The following MTA3 variants were observed in gnomAD, a reference collection of about 807,000 sequenced individuals.
MTA3 encodes metastasis-associated protein MTA3.
MTA3 carries 34 observed loss-of-function variants against 83.5 expected under a neutral mutation model. The observed-to-expected ratio is 0.41, with a 90% CI of 0.31 to 0.54. The LOEUF (loss-of-function observed/expected upper bound fraction) is 0.54. MTA3 is among the 20% of genes least tolerant of loss of function. The probability of loss-of-function intolerance (pLI) is 0.33; values close to 1 mark genes in which losing one functional copy is unlikely to be tolerated. For missense variants in MTA3, 761 were observed against 726.4 expected (o/e 1.05, Z -0.55); for synonymous variants, 303 against 252.7 (o/e 1.20, Z -1.89).
chr2:42,607,304 G>T (rs1456677791), intron 3 of MTA3, among the ~76,000 whole-genome samples: 1 of 152,184 alleles, frequency 6.6e-6, no homozygotes, highest in Non-Finnish European at 1.5e-5. Context: ...CTGCTTTGTA[G>T]CAAAGAGGAG....
intron 6 of MTA3, among the ~76,000 whole-genome samples, chr2:42,654,395 A>G (rs1395758179): frequency 6.6e-6 from 1 of 152,232 alleles, no homozygotes; most frequent in Non-Finnish European, 1.5e-5. Flanking sequence ...CTAATGTTAC[A>G]GATGCAGTGA....
At chr2:42,521,481 A>G (rs1311637681) in intron 2 of MTA3, among the ~76,000 whole-genome samples, 3 of 152,152 alleles carry the variant, frequency 2.0e-5, no homozygotes, top group South Asian at 2.1e-4. Flanking sequence ...TTTTGGGGTA[A>G]TTTATCACAT....
Position 42,695,858 on chromosome 2 carries a change from C to T in MTA3, c.966+19C>T, listed in dbSNP as rs1271602971. 2 of 1,461,132 alleles carry T rather than the reference C, an allele frequency of 1.4e-6. No individual in the cohort carries two copies. Among genetic ancestry groups the T allele is most frequent in the Non-Finnish European group, 9.4e-7 (1 of 1,067,724 alleles). The allele number at this position is 1,461,132 out of a possible 1,614,324, so 90.5% of individuals were successfully genotyped here. A position where few individuals can be genotyped will look rare whatever the true frequency, so the allele number is the denominator to read the frequency against. ...GCAACAGGTAATTTTTTTCATATTG[C>T]TACCAATATGGTTGCATTTAAGTGA... On this transcript the variant is annotated intron_variant, in intron 10 of 16. Coordinates refer to ENST00000405094, the MANE Select transcript of MTA3 (RefSeq NM_001330442.2).
At chr2:42,594,498 A>T (rs1028239756) in intron 3 of MTA3, among the ~76,000 whole-genome samples, 1 of 150,478 alleles carries the variant, frequency 6.6e-6, no homozygotes, top group African/African-American at 2.4e-5. Flanking sequence ...TCGGACTCCC[A>T]AAGTGCCGGG....
At chr2:42,531,734 A>G (rs1249418336) in intron 2 of MTA3, among the ~76,000 whole-genome samples, 2 of 151,832 alleles carry the variant, frequency 1.3e-5, no homozygotes, top group Non-Finnish European at 2.9e-5. Flanking sequence ...TACAGAAGTG[A>G]GCCACTGGGC....
At chr2:42,502,224 T>C (rs949328069) in intron 2 of MTA3, among the ~76,000 whole-genome samples, 1 of 152,110 alleles carries the variant, frequency 6.6e-6, no homozygotes, top group Non-Finnish European at 1.5e-5. Flanking sequence ...GAGTTGAAGC[T>C]TTGTCTAAAA....
At chr2:42,690,407 G>C (rs1343438080) in intron 9 of MTA3, among the ~76,000 whole-genome samples, 1 of 151,862 alleles carries the variant, frequency 6.6e-6, no homozygotes, top group Non-Finnish European at 1.5e-5. Context: ...ATGATGTGAT[G>C]TTTCTTTTTC....
intron 8 of MTA3, among the ~76,000 whole-genome samples, chr2:42,680,871 G>A (rs1228473086): frequency 6.6e-6 from 1 of 152,046 alleles, no homozygotes; most frequent in Admixed American, 6.6e-5. Context: ...TCTCATCTCA[G>A]ACTCCTGAGT....
At chr2:42,727,653 C>A (rs1051711988) in intron 16 of MTA3, among the ~76,000 whole-genome samples, 3 of 152,034 alleles carry the variant, frequency 2.0e-5, no homozygotes, top group Non-Finnish European at 4.4e-5. Context: ...GGATTAATTG[C>A]TTACTCCTCT....
rs952920179 is a variant in MTA3 at position 42,754,325 on chromosome 2, G to A, written c.*926G>A. The A allele has an allele frequency of 1.0e-6, 1 of 985,484 alleles. No individual in the cohort carries two copies. Among genetic ancestry groups the A allele is most frequent in the Non-Finnish European group, 1.2e-6 (1 of 829,968 alleles). The allele number at this position is 985,484 out of a possible 1,614,324, so 61.0% of individuals were successfully genotyped here. On this transcript the variant is annotated 3_prime_UTR_variant, in exon 17 of 17. Coordinates refer to ENST00000405094, the MANE Select transcript of MTA3 (RefSeq NM_001330442.2). Reference sequence around the variant, plus strand: ...ACTCTGTTTGGCCTAGAGGTGTGGAGTGAGAGAACTGTGTTTGTGGGTATG... The same window carrying A: ...ACTCTGTTTGGCCTAGAGGTGTGGAATGAGAGAACTGTGTTTGTGGGTATG...
chr2:42,551,121 A>G (rs1224209141), intron 2 of MTA3, among the ~76,000 whole-genome samples: 1 of 151,916 alleles, frequency 6.6e-6, no homozygotes, highest in East Asian at 1.9e-4. Context: ...GATGAAGAAG[A>G]CTTTCTCTCC....
In MTA3 at chr2:42,579,217, T is replaced by C; in HGVS notation, c.190+17T>C. 1 of 1,544,508 alleles carries C rather than the reference T, an allele frequency of 6.5e-7. No individual in the cohort carries two copies. The highest frequency in any genetic ancestry group is 1.2e-5 in the South Asian group (1 of 80,646). On this transcript the variant is annotated intron_variant, in intron 3 of 16. Coordinates refer to ENST00000405094, the MANE Select transcript of MTA3 (RefSeq NM_001330442.2). ...AGCATGCTAGTAAGTTGTTTTTCTC[T>C]GATTAAAAAAACGTTTTAAGTCTTG...
intron 4 of MTA3, among the ~76,000 whole-genome samples, chr2:42,636,309 G>T (rs536430273): frequency 6.6e-6 from 1 of 152,238 alleles, no homozygotes; most frequent in South Asian, 2.1e-4. Flanking sequence ...GGAGGCCAAG[G>T]TGGGAGGATC....
At chr2:42,634,545 C>A (rs1383080975) in intron 4 of MTA3, among the ~76,000 whole-genome samples, 1 of 152,170 alleles carries the variant, frequency 6.6e-6, no homozygotes, top group Non-Finnish European at 1.5e-5. Flanking sequence ...CCCCGTGATC[C>A]AATCACCACC....
At chr2:42,513,732 G>A (rs1675003768) in intron 2 of MTA3, among the ~76,000 whole-genome samples, 1 of 152,218 alleles carries the variant, frequency 6.6e-6, no homozygotes. Flanking sequence ...TGGACTCAGT[G>A]AGCCGGGAAT....
chr2:42,581,918 A>T lies in MTA3; in HGVS notation c.190+2718A>T. The T allele has an allele frequency of 1.2e-5, 2 of 162,958 alleles. 1 individual carries two copies. Among genetic ancestry groups the T allele is most frequent in the South Asian group, 2.8e-4 (2 of 7,044 alleles). The allele number at this position is 162,958 out of a possible 1,614,324, so 10.1% of individuals were successfully genotyped here. On this transcript the variant is annotated intron_variant, in intron 3 of 16. Coordinates refer to ENST00000405094, the MANE Select transcript of MTA3 (RefSeq NM_001330442.2). ...GTAGCTGGGATTACAGGCATGTGCCACTATGCCTGGCTAATTTTGTATTTT... is the reference window on the plus strand; with the variant it reads ...GTAGCTGGGATTACAGGCATGTGCCTCTATGCCTGGCTAATTTTGTATTTT...
chr2:42,712,992 C>T (rs1390253381), intron 14 of MTA3: 1 of 152,170 alleles, frequency 6.6e-6, no homozygotes, highest in Non-Finnish European at 1.5e-5. Context: ...TCTACAGAAT[C>T]ATCCAAACAC....
At chr2:42,577,484 T>C (rs1169028494) in intron 2 of MTA3, among the ~76,000 whole-genome samples, 1 of 143,414 alleles carries the variant, frequency 7.0e-6, no homozygotes, top group Non-Finnish European at 1.5e-5. Context: ...TTGATTTGGA[T>C]TTTTTTTTTT....
chr2:42,704,363 G>A, intron 12 of MTA3, 45 bp downstream of exon 12: 2 of 1,609,216 alleles, frequency 1.2e-6, no homozygotes, highest in Non-Finnish European at 1.7e-6. Flanking sequence ...GAACTGTTCT[G>A]GCTCATGGGG....
Sources: allele counts gnomAD v4.1 joint callset (sites outside exome capture counted in the v4.1 genomes callset), GRCh38; gene constraint gnomAD v4.1.1; transcripts MANE v1.5; gene names NCBI Gene and HGNC (gene_info 2026-07-23, HGNC 2026-07-21).